The following PDZD2 variants were observed in gnomAD, a reference collection of about 807,000 sequenced individuals.
The protein encoded by PDZD2 is PDZ domain-containing protein 2.
PDZD2 carries 90 observed loss-of-function variants against 220.7 expected under a neutral mutation model. That is an observed-to-expected ratio of 0.41 (90% CI 0.34 to 0.49). PDZD2 has a LOEUF of 0.49. Ranked by LOEUF, PDZD2 falls within the 20% of genes least tolerant of loss-of-function variation. The pLI, the probability that PDZD2 is intolerant of heterozygous loss-of-function variation, is 0.28. For missense variants in PDZD2, 3,174 were observed against 3,608.5 expected (o/e 0.88, Z 3.08); for synonymous variants, 1,375 against 1,450.5 (o/e 0.95, Z 1.18).
chr5:31,918,880 G>A (rs1057183949), intron 2 of PDZD2, among the ~76,000 whole-genome samples: 2 of 152,060 alleles, frequency 1.3e-5, no homozygotes, highest in Admixed American at 1.3e-4. Context: ...TGTGGTTCCT[G>A]GCTTCCTGCT....
chr5:31,995,783 C>A, intron 4 of PDZD2, 65 bp downstream of exon 4: 2 of 1,421,500 alleles, frequency 1.4e-6, no homozygotes, highest in South Asian at 1.2e-5. Context: ...TCCCTCCCCA[C>A]TGGTGCAGGT....
At chr5:31,863,419 C>T (rs1331926921) in intron 2 of PDZD2, among the ~76,000 whole-genome samples, 1 of 152,154 alleles carries the variant, frequency 6.6e-6, no homozygotes, top group Non-Finnish European at 1.5e-5. Context: ...GTGGTGCCTG[C>T]CTAGCGTGGT....
intron 1 of PDZD2, among the ~76,000 whole-genome samples, chr5:31,780,508 C>T (rs1025516942): frequency 1.3e-5 from 2 of 152,070 alleles, no homozygotes; most frequent in Admixed American, 6.6e-5. Flanking sequence ...CAAAGAAAAG[C>T]GAAAGCCAGT....
At chr5:31,833,658 A>AAAGAAAAGAG (rs1756770632) in intron 2 of PDZD2, among the ~76,000 whole-genome samples, 1 of 145,726 alleles carries the variant, frequency 6.9e-6, no homozygotes, top group Non-Finnish European at 1.5e-5. Flanking sequence ...AAAGAAAAGA[A>AAAGAAAAGAG]AAGAAAAAAG....
At chr5:32,103,580 T>C (rs1005738945) in intron 24 of PDZD2, 11 of 152,132 alleles carry the variant, frequency 7.2e-5, no homozygotes, top group Admixed American at 6.5e-4. Flanking sequence ...TGAGGGAAAA[T>C]GTCCATCACC....
intron 2 of PDZD2, among the ~76,000 whole-genome samples, chr5:31,943,660 G>C (rs1020899076): frequency 6.6e-6 from 1 of 152,194 alleles, no homozygotes; most frequent in Non-Finnish European, 1.5e-5. Flanking sequence ...AGAAGCCGAC[G>C]AGGCAAATGC....
At chr5:31,719,688 C>T (rs940544608) in intron 1 of PDZD2, among the ~76,000 whole-genome samples, 1 of 152,100 alleles carries the variant, frequency 6.6e-6, no homozygotes, top group African/African-American at 2.4e-5. Flanking sequence ...TCAATGATTA[C>T]TGAAAGAAAG....
chr5:31,724,602 C>CA (rs35523154), intron 1 of PDZD2, among the ~76,000 whole-genome samples: 1,309 of 59,756 alleles, frequency 0.022, 1 homozygote, highest in South Asian at 0.027. Flanking sequence ...AATTCCGTCT[C>CA]AAAAAAAAAA....
rs1744866470 is a variant in PDZD2 at position 31,639,706 on chromosome 5, C to CA, written c.-361+271dup. On this transcript the variant is annotated intron_variant, in intron 1 of 24. Transcript: ENST00000438447. This position sits in a 1 kb window ranked among gnomAD's most constrained non-coding sequence, Gnocchi z 4.1. ...ACAGAGCGGGACCGAGACAGCGGGA[C>CA]AACCGGAGACGCACTGCCGGGGGTA... is the stretch of plus-strand genomic sequence containing the variant. Among the ~76,000 whole-genome samples the CA allele has an allele frequency of 1.3e-5, 2 of 152,268 alleles. No homozygotes were observed. Among genetic ancestry groups the CA allele is most frequent in the South Asian group, 4.2e-4 (2 of 4,816 alleles).
In PDZD2 at chr5:32,088,918, C is replaced by T. The variant is rs1742794518; in HGVS notation, c.5470C>T (p.Leu1824=). ...LRSKTEKEQP[L]MPARSPDSKI... Reference sequence around the variant, plus strand: ...GAGCAAAACCGAGAAGGAACAACCTCTAATGCCTGCCAGAAGTCCCGACTC... The same window carrying T: ...GAGCAAAACCGAGAAGGAACAACCTTTAATGCCTGCCAGAAGTCCCGACTC... Residue 1824 remains leucine, a synonymous_variant, in exon 20 of 25, where the codon CTA becomes TTA. Transcript: ENST00000438447. This position sits in a 1 kb window ranked among gnomAD's most constrained non-coding sequence, Gnocchi z 4.6. 6.2e-7 allele frequency: 1 copy of T among 1,613,924 alleles called. No individual in the cohort carries two copies. Among genetic ancestry groups the T allele is most frequent in the Non-Finnish European group, 8.5e-7 (1 of 1,179,978 alleles).
intron 2 of PDZD2, among the ~76,000 whole-genome samples, chr5:31,884,703 C>T (rs970356408): frequency 6.6e-6 from 1 of 152,178 alleles, no homozygotes; most frequent in Non-Finnish European, 1.5e-5. Context: ...ATTCTCCTGC[C>T]TCAGGCTGTC....
At chr5:31,816,266 C>T (rs1009723533) in intron 2 of PDZD2, among the ~76,000 whole-genome samples, 85 of 122,338 alleles carry the variant, frequency 6.9e-4, no homozygotes, top group African/African-American at 2.5e-3. Flanking sequence ...CCAGCCTGGG[C>T]GACAGAGCGA....
chr5:31,821,071 A>G (rs960217514), intron 2 of PDZD2, among the ~76,000 whole-genome samples: 1 of 147,976 alleles, frequency 6.8e-6, no homozygotes, highest in African/African-American at 2.7e-5. Flanking sequence ...AATTCTCCTT[A>G]ATCTTTTAAA....
intron 1 of PDZD2, among the ~76,000 whole-genome samples, chr5:31,657,972 A>G (rs764891254): frequency 7.2e-5 from 11 of 152,156 alleles, no homozygotes; most frequent in Admixed American, 1.3e-4. Flanking sequence ...TAACCGTCCT[A>G]TCTTTTTTCC....
intron 5 of PDZD2, among the ~76,000 whole-genome samples, chr5:32,004,825 G>A (rs986136203): frequency 6.6e-6 from 1 of 152,216 alleles, no homozygotes; most frequent in Non-Finnish European, 1.5e-5. Context: ...CGCTTGCTTG[G>A]GTCCTCGTGG....
chr5:32,087,462 T>C lies in PDZD2; in HGVS notation c.4014T>C (p.Ala1338=). ...CAGAGGGAATGACACCAGCTGGTGC[T>C]GTCCTGCCAGGAGACCCCCTCACAT... ...PGAEGMTPAG[A]VLPGDPLTSQ... is the part of the protein sequence containing the mutation. The change falls in exon 20 of 25, where the codon GCT becomes GCC. Residue 1338 remains alanine (A), a synonymous_variant. Transcript: ENST00000438447. The surrounding 1 kb of genome is among the most constrained non-coding windows in gnomAD (Gnocchi z 4.0). 4 of 1,613,968 alleles carry C rather than the reference T, an allele frequency of 2.5e-6. No homozygotes were observed. In the South Asian group the frequency reaches 3.3e-5, roughly 13 times the overall value.
rs1449720132 is a variant in PDZD2, at chr5:32,074,120, C to T, written c.3014C>T (p.Ser1005Leu). The part of the protein sequence containing the change: ...PLSEDDPRRV[S>L]ISSSKGMDVH... ...TCAGAGGATGACCCGAGGCGTGTCT[C>T]AATTTCCTCTTCCAAGGGCATGGAC... The change falls in exon 18 of 25, where the codon TCA becomes TTA. Residue 1005 changes from serine (S) to leucine (L), a missense_variant. Around this residue, in one of 4 missense-constraint regions of PDZD2, gnomAD observed 1,861 missense variants for 2,001.0 expected, o/e 0.93. Coordinates refer to ENST00000438447, the MANE Select transcript of PDZD2 (RefSeq NM_178140.4). 6.2e-7 allele frequency: 1 copy of T among 1,614,216 alleles called. No homozygotes were observed.
chr5:31,791,590 CAAAAAAAA>C (rs1157216997), intron 1 of PDZD2, among the ~76,000 whole-genome samples: 2 of 50,442 alleles, frequency 4.0e-5, no homozygotes, highest in African/African-American at 1.3e-4. Context: ...AACTCCGTCT[CAAAAAAAA>C]AAAAAAAAAA....
At chr5:31,971,676 C>A (rs1023040662) in intron 2 of PDZD2, among the ~76,000 whole-genome samples, 7 of 152,176 alleles carry the variant, frequency 4.6e-5, no homozygotes, top group African/African-American at 1.7e-4. Context: ...GTTATTCTCT[C>A]TGGTCTCTGC....
Sources: allele counts gnomAD v4.1 joint callset (sites outside exome capture counted in the v4.1 genomes callset), GRCh38; gene constraint gnomAD v4.1.1; regional missense constraint gnomAD v4.1.1; non-coding constraint Gnocchi (gnomAD v3.1); transcripts MANE v1.5; gene names NCBI Gene and HGNC (gene_info 2026-07-23, HGNC 2026-07-21).